AOPEP: variants seen among roughly 807,000 people sequenced by gnomAD.
AOPEP encodes aminopeptidase O.
AOPEP carries 77 observed loss-of-function variants against 98.1 expected under a neutral mutation model. The ratio of observed to expected loss-of-function variants is 0.78; its 90% CI spans 0.65 to 0.95. AOPEP has a LOEUF of 0.95. Among genes scored for constraint, AOPEP ranks in the 40% least tolerant of loss-of-function variants. The probability of loss-of-function intolerance (pLI) is 0.00; values close to 1 mark genes in which losing one functional copy is unlikely to be tolerated. For missense variants in AOPEP, 1,024 were observed against 1,024.7 expected, an observed-to-expected ratio of 1.00 and a Z score of 0.01; for synonymous variants, 346 against 365.3, an observed-to-expected ratio of 0.95 and a Z score of 0.60.
At position 94,779,760 on chromosome 9, in the gene AOPEP, C is replaced by T. The variant is rs72746511; in HGVS notation, c.964+6592C>T. ...CCTTACAATATGAATATGGTGCTGA[C>T]GGCTCCATGCAGTTTCTTTTGAGAC... On this transcript the variant is annotated intron_variant, in intron 3 of 16. Coordinates refer to ENST00000375315, the MANE Select transcript of AOPEP (RefSeq NM_001193329.3). 2.1e-3 allele frequency among the ~76,000 whole-genome samples: 322 copies of T among 152,104 alleles called. 1 individual carries two copies. Among genetic ancestry groups the T allele is most frequent in the Non-Finnish European group, 4.0e-3 (270 of 67,998 alleles).
intron 11 of AOPEP, among the ~76,000 whole-genome samples, chr9:94,984,102 C>T (rs947218737): frequency 1.3e-5 from 2 of 150,970 alleles, no homozygotes; most frequent in East Asian, 2.0e-4. Flanking sequence ...GGCATGATCT[C>T]GGCTCACTGC....
At chr9:94,859,782 G>C (rs1236930702) in intron 5 of AOPEP, among the ~76,000 whole-genome samples, 1 of 152,088 alleles carries the variant, frequency 6.6e-6, no homozygotes, top group Admixed American at 6.6e-5. Flanking sequence ...CTAGGTCTTG[G>C]GCATATTGCT....
intron 11 of AOPEP, among the ~76,000 whole-genome samples, chr9:94,981,159 C>G (rs140471833): frequency 1.3e-5 from 2 of 152,360 alleles, no homozygotes; most frequent in East Asian, 3.9e-4. Flanking sequence ...GGCTGGCTCT[C>G]TCACTGCCGG....
chr9:95,015,206 T>G (rs1014983255), intron 13 of AOPEP, among the ~76,000 whole-genome samples: 1 of 152,242 alleles, frequency 6.6e-6, no homozygotes, highest in African/African-American at 2.4e-5. Context: ...CTGAGTCCAT[T>G]TTAGTGCTTT....
intron 7 of AOPEP, among the ~76,000 whole-genome samples, chr9:94,943,957 C>G (rs1367323033): frequency 7.2e-6 from 1 of 139,538 alleles, no homozygotes; most frequent in Non-Finnish European, 1.5e-5. Context: ...ACAGGTCAAT[C>G]TAAGTTGACA....
chr9:94,871,534 T>C (rs193129324), intron 5 of AOPEP, among the ~76,000 whole-genome samples: 1 of 152,368 alleles, frequency 6.6e-6, no homozygotes, highest in East Asian at 1.9e-4. Context: ...CAGCATGTGC[T>C]GTTTTTGGTT....
Position 94,780,865 on chromosome 9 carries a change from C to T in AOPEP, c.964+7697C>T, listed in dbSNP as rs142159525. The stretch of plus-strand genomic sequence containing the variant: ...ACATAGGCCTGATTAGCACATTTCC[C>T]GGGCACCAGCTGATTTTTCCACAGA... On this transcript the variant is annotated intron_variant, in intron 3 of 16. Transcript: ENST00000375315. 1.9e-4 allele frequency among the ~76,000 whole-genome samples: 29 copies of T among 152,260 alleles called. 1 individual carries two copies. Among genetic ancestry groups the T allele is most frequent in the East Asian group, 1.5e-3 (8 of 5,182 alleles).
At chr9:94,813,041 G>A (rs566988344) in intron 5 of AOPEP, among the ~76,000 whole-genome samples, 1 of 152,248 alleles carries the variant, frequency 6.6e-6, no homozygotes, top group East Asian at 1.9e-4. Flanking sequence ...GACAAGGAGT[G>A]GGCTGTACAA....
At chr9:95,144,986 G>C in the AOPEP span, among the ~76,000 whole-genome samples, 2 of 152,110 alleles carry the variant, frequency 1.3e-5, no homozygotes, top group African/African-American at 4.8e-5. Context: ...TAGAAAAAAG[G>C]CCATTTTATT....
At chr9:94,925,026 C>T (rs2054093972) in intron 6 of AOPEP, among the ~76,000 whole-genome samples, 1 of 152,202 alleles carries the variant, frequency 6.6e-6, no homozygotes, top group Non-Finnish European at 1.5e-5. Context: ...GAGTCTAGCT[C>T]TGTCGCCCAG....
chr9:94,830,000 A>G (rs1189700399), intron 5 of AOPEP, among the ~76,000 whole-genome samples: 1 of 152,182 alleles, frequency 6.6e-6, no homozygotes. Context: ...CATGAACTAC[A>G]TCAGGTGTTT....
Position 95,005,190 on chromosome 9 carries a change from G to C in AOPEP, c.2010G>C (p.Glu670Asp). Reference protein sequence around the residue: ...PLQRERRAGAECGLARQVRAE... With the variant: ...PLQRERRAGADCGLARQVRAE... ...AGAGGGAGCGTCGCGCCGGGGCGGA[G>C]TGCGGGCTTGCGCGGCAAGTGCGCG... is the stretch of plus-strand genomic sequence containing the variant. The change falls in exon 12 of 17, where the codon GAG becomes GAC. Residue 670 changes from glutamate (E) to aspartate (D), a missense_variant. Physicochemically the swap from Glu to Asp is conservative, Grantham distance 45. Around this residue, in one of 3 missense-constraint regions of AOPEP, gnomAD observed 566 missense variants for 551.7 expected, o/e 1.03. Transcript: ENST00000375315. 8.7e-7 allele frequency: 1 copy of C among 1,145,794 alleles called. No homozygotes were observed. The highest frequency in any genetic ancestry group is 1.1e-6 in the Non-Finnish European group (1 of 930,066). The allele number at this position is 1,145,794 out of a possible 1,614,324, so 71.0% of individuals were successfully genotyped here.
the AOPEP span, among the ~76,000 whole-genome samples, chr9:95,093,616 T>A: frequency 6.6e-6 from 1 of 152,198 alleles, no homozygotes; most frequent in Non-Finnish European, 1.5e-5. Context: ...TTTCTCTGCC[T>A]TTTCAGCTAG....
chr9:94,842,323 C>T (rs372512003), intron 5 of AOPEP, among the ~76,000 whole-genome samples: 9 of 151,842 alleles, frequency 5.9e-5, no homozygotes, highest in African/African-American at 2.2e-4. Context: ...GATTGTGCCA[C>T]TTACTCCAGC....
intron 5 of AOPEP, among the ~76,000 whole-genome samples, chr9:94,820,466 A>G (rs1432158691): frequency 6.6e-6 from 1 of 152,202 alleles, no homozygotes; most frequent in East Asian, 1.9e-4. Flanking sequence ...ATTATCCCCT[A>G]GATATAATAT....
At chr9:94,887,811 C>T (rs1296341721) in intron 5 of AOPEP, among the ~76,000 whole-genome samples, 1 of 151,346 alleles carries the variant, frequency 6.6e-6, no homozygotes, top group Non-Finnish European at 1.5e-5. Context: ...GCAAATTAGG[C>T]TTTTTTTTTC....
the AOPEP span, chr9:95,107,321 T>C: frequency 1.3e-6 from 2 of 1,561,056 alleles, no homozygotes; most frequent in Non-Finnish European, 1.7e-6. Context: ...AGGACAGACA[T>C]ACTTCTAGGA....
intron 5 of AOPEP, among the ~76,000 whole-genome samples, chr9:94,903,043 C>T (rs373383675): frequency 1.3e-5 from 2 of 151,080 alleles, no homozygotes; most frequent in African/African-American, 4.9e-5. Context: ...TGCAGTGGCC[C>T]GATCTTGGCT....
intron 1 of AOPEP, among the ~76,000 whole-genome samples, chr9:94,750,589 A>G (rs1250080094): frequency 1.3e-5 from 2 of 152,024 alleles, no homozygotes; most frequent in East Asian, 1.9e-4. Flanking sequence ...GTCTCAAAAA[A>G]ACAAAACAAA....
Sources: gnomAD v4.1 joint callset for allele counts (sites outside exome capture counted in the v4.1 genomes callset) on GRCh38, gnomAD v4.1.1 for gene constraint, gnomAD v4.1.1 regional missense constraint, MANE v1.5 for transcripts, NCBI Gene and HGNC (gene_info 2026-07-23, HGNC 2026-07-21) for gene names.